The following EXOC3L2 variants were observed in gnomAD, a reference collection of about 807,000 sequenced individuals.
The protein encoded by EXOC3L2 is exocyst complex component 3 like 2, also known as exocyst complex component 3-like protein 2.
In EXOC3L2, 17 loss-of-function variants were observed where a neutral mutation model predicts 44.4. That is an observed-to-expected ratio of 0.38 (90% CI 0.26 to 0.57). The LOEUF (loss-of-function observed/expected upper bound fraction) is 0.57. EXOC3L2 is among the 20% of genes least tolerant of loss of function. The pLI, the probability that EXOC3L2 is intolerant of heterozygous loss-of-function variation, is 0.65. For missense variants in EXOC3L2, 541 were observed against 588.4 expected (o/e 0.92, Z 0.83); for synonymous variants, 256 against 253.7 (o/e 1.01, Z -0.09).
At chr19:45,230,403 A>G (rs1003185422) in intron 4 of EXOC3L2, among the ~76,000 whole-genome samples, 2 of 152,114 alleles carry the variant, frequency 1.3e-5, no homozygotes, top group African/African-American at 4.8e-5. Context: ...TATTTTTACT[A>G]GAGACGGGGT....
intron 11 of EXOC3L2, 103 bp downstream of exon 11, chr19:45,215,970 C>G: frequency 6.7e-7 from 1 of 1,500,860 alleles, no homozygotes; most frequent in Non-Finnish European, 9.0e-7. Flanking sequence ...ACACGCTCAC[C>G]GGCTCCCTCC....
chr19:45,213,364 G>C lies in EXOC3L2; in HGVS notation c.2121-7C>G. On this transcript the variant is annotated splice_polypyrimidine_tract_variant and splice_region_variant and intron_variant, in intron 11 of 11. Coordinates refer to ENST00000413988, the MANE Select transcript of EXOC3L2 (RefSeq NM_001382422.1). Reference sequence around the variant, plus strand: ...GGCTGCCACGTGCTTCTGCCTGTGGGGAGAGGAACAGACAGGTGCATGCAG... The same window carrying C: ...GGCTGCCACGTGCTTCTGCCTGTGGCGAGAGGAACAGACAGGTGCATGCAG... 7 of 1,612,824 alleles carry C rather than the reference G, an allele frequency of 4.3e-6. No individual in the cohort carries two copies. Among genetic ancestry groups the C allele is most frequent in the Non-Finnish European group, 5.9e-6 (7 of 1,179,532 alleles).
intron 11 of EXOC3L2, among the ~76,000 whole-genome samples, chr19:45,214,127 C>T (rs768630839): frequency 6.6e-6 from 1 of 152,122 alleles, no homozygotes; most frequent in East Asian, 1.9e-4. Flanking sequence ...AGAAACTCCA[C>T]ATCAGCAAGA....
chr19:45,223,855 G>C (rs555451418), intron 8 of EXOC3L2, among the ~76,000 whole-genome samples: 12 of 152,038 alleles, frequency 7.9e-5, no homozygotes, highest in African/African-American at 1.9e-4. Flanking sequence ...TTAGCTGGGC[G>C]TGGTGGTGCA....
At position 45,227,944 on chromosome 19, in the gene EXOC3L2, G is replaced by T. The variant is rs771382997; in HGVS notation, c.1472+30C>A. On this transcript the variant is annotated intron_variant, in intron 6 of 11. Coordinates refer to ENST00000413988, the MANE Select transcript of EXOC3L2 (RefSeq NM_001382422.1). ...AGGCCCTGATGCCCAACCCCCAGCAGAGCTAACCTGTGCTCCCAGGTTCCC... is the reference window on the plus strand; with the variant it reads ...AGGCCCTGATGCCCAACCCCCAGCATAGCTAACCTGTGCTCCCAGGTTCCC... The T allele has an allele frequency of 1.0e-5, 16 of 1,606,240 alleles. No homozygotes were observed. In the Admixed American group the frequency reaches 2.5e-4, roughly 25 times the overall value.
intron 4 of EXOC3L2, among the ~76,000 whole-genome samples, chr19:45,231,519 G>A (rs937310835): frequency 7.9e-5 from 12 of 151,692 alleles, no homozygotes; most frequent in African/African-American, 2.9e-4. Flanking sequence ...GGGCCTGTGA[G>A]CTGTAGTTCT....
At chr19:45,236,887 C>T (rs1263196880) in intron 2 of EXOC3L2, among the ~76,000 whole-genome samples, 2 of 151,778 alleles carry the variant, frequency 1.3e-5, no homozygotes, top group Admixed American at 6.6e-5. Context: ...TGCCTGTAAT[C>T]CCAGCTACTC....
At chr19:45,215,968 A>T (rs1969829154) in intron 11 of EXOC3L2, 105 bp downstream of exon 11, 1 of 1,500,952 alleles carries the variant, frequency 6.7e-7, no homozygotes, top group East Asian at 2.3e-5. Flanking sequence ...AGACACGCTC[A>T]CCGGCTCCCT....
rs968876782 is a variant in EXOC3L2 at position 45,234,866 on chromosome 19, G to T, written c.524-40C>A. On this transcript the variant is annotated intron_variant, in intron 2 of 11. Coordinates refer to ENST00000413988, the MANE Select transcript of EXOC3L2 (RefSeq NM_001382422.1). This position sits in a 1 kb window ranked among gnomAD's most constrained non-coding sequence, Gnocchi z 5.0. ...CGGGAGGTCAGCAGTGCGCGGGGGG[G>T]AGGAGGGCGATGCCGGACGCGGGGT... 13 of 388,844 alleles carry T rather than the reference G, an allele frequency of 3.3e-5. No homozygotes were observed. In the Admixed American group the frequency reaches 4.0e-4, roughly 12 times the overall value. The allele number at this position is 388,844 out of a possible 1,614,324, so 24.1% of individuals were successfully genotyped here.
rs1262885286 is a variant in EXOC3L2, at chr19:45,226,991, G to T, written c.1583+671C>A. 1.3e-5 allele frequency among the ~76,000 whole-genome samples: 2 copies of T among 149,438 alleles called. 1 individual carries two copies. The highest frequency in any genetic ancestry group is 3.0e-5 in the Non-Finnish European group (2 of 67,562). On this transcript the variant is annotated intron_variant, in intron 7 of 11. Coordinates refer to ENST00000413988, the MANE Select transcript of EXOC3L2 (RefSeq NM_001382422.1). ...GATGGTCTCGATCTCCTGACCTCAT[G>T]ATCTACCCGCCTCGGCCTCCCAAAG...
chr19:45,230,653 G>A (rs1472559211), intron 4 of EXOC3L2, among the ~76,000 whole-genome samples: 2 of 152,132 alleles, frequency 1.3e-5, no homozygotes, highest in African/African-American at 2.4e-5. Context: ...CCGGCCAAGG[G>A]TCTATGTTTT....
rs1292280103 is a variant in EXOC3L2, at chr19:45,227,654, G to A, written c.1583+8C>T. 2.5e-6 allele frequency: 4 copies of A among 1,604,812 alleles called. No homozygotes were observed. Among genetic ancestry groups the A allele is most frequent in the African/African-American group, 2.7e-5 (2 of 74,858 alleles). The stretch of plus-strand genomic sequence containing the variant: ...GTCCTCCCTCCATCACACCATGGAT[G>A]CCCTCACCTCAGTGGGGGGCCGCAG... On this transcript the variant is annotated splice_region_variant and intron_variant, in intron 7 of 11. Transcript: ENST00000413988.
intron 7 of EXOC3L2, among the ~76,000 whole-genome samples, chr19:45,227,242 C>T (rs967172655): frequency 6.7e-6 from 1 of 149,444 alleles, no homozygotes; most frequent in Non-Finnish European, 1.5e-5. Context: ...CTCAGCCTCC[C>T]GAGTAGCTGG....
In EXOC3L2 at chr19:45,227,667, TG is replaced by T. The variant is rs886039793; in HGVS notation, c.1577del (p.Pro526HisfsTer2). 1.2e-6 allele frequency: 2 copies of T among 1,610,102 alleles called. No individual in the cohort carries two copies. Among genetic ancestry groups the T allele is most frequent in the Non-Finnish European group, 1.7e-6 (2 of 1,178,854 alleles). On this transcript the variant is annotated frameshift_variant, in exon 7 of 12. Transcript: ENST00000413988. LOFTEE classifies it high-confidence loss of function. Reference sequence around the variant, plus strand: ...CACACCATGGATGCCCTCACCTCAGTGGGGGGCCGCAGTTGACCAGGGCGAT... The same window carrying T: ...CACACCATGGATGCCCTCACCTCAGTGGGGGCCGCAGTTGACCAGGGCGAT... ...KTIALVNCGP[P>X]LRALAERLAR... is the part of the protein sequence containing the mutation.
At position 45,217,506 on chromosome 19, in the gene EXOC3L2, C is replaced by G. The variant is rs2109474; in HGVS notation, c.1998+22G>C. On this transcript the variant is annotated intron_variant, in intron 10 of 11. Coordinates refer to ENST00000413988, the MANE Select transcript of EXOC3L2 (RefSeq NM_001382422.1). ...CCTTGTCCTGGTTTCTGAAACACCC[C>G]CAACCGCGTCCCGACACTGACCAGC... is the stretch of plus-strand genomic sequence containing the variant. 9.6e-6 allele frequency: 15 copies of G among 1,563,040 alleles called. No individual in the cohort carries two copies. The African/African-American group carries it at 9.8e-5, about 10-fold the overall frequency.
chr19:45,225,037 A>T, intron 7 of EXOC3L2, 124 bp from the exon 8 acceptor site: 2 of 1,164,902 alleles, frequency 1.7e-6, no homozygotes, highest in Non-Finnish European at 1.1e-6. Flanking sequence ...GGGCTGAGAA[A>T]GGTCAGGGAC....
chr19:45,237,558 G>A (rs1026319896), intron 2 of EXOC3L2, among the ~76,000 whole-genome samples: 3 of 152,124 alleles, frequency 2.0e-5, no homozygotes, highest in Admixed American at 6.6e-5. Flanking sequence ...AGAAGCATAC[G>A]GATGTGTCTC....
intron 1 of EXOC3L2, among the ~76,000 whole-genome samples, chr19:45,242,138 C>T (rs1006578779): frequency 1.3e-4 from 20 of 152,178 alleles, no homozygotes; most frequent in Non-Finnish European, 1.9e-4. Flanking sequence ...CAGATAGGTG[C>T]TTTTTAAAAC....
At chr19:45,242,604 A>G (rs1049691286) in intron 1 of EXOC3L2, among the ~76,000 whole-genome samples, 6 of 151,848 alleles carry the variant, frequency 4.0e-5, no homozygotes, top group African/African-American at 1.2e-4. Context: ...GCTCACGCCT[A>G]TAATCCCAGC....
Sources: allele counts gnomAD v4.1 joint callset (sites outside exome capture counted in the v4.1 genomes callset), GRCh38; gene constraint gnomAD v4.1.1; non-coding constraint Gnocchi (gnomAD v3.1); transcripts MANE v1.5; gene names NCBI Gene and HGNC (gene_info 2026-07-23, HGNC 2026-07-21).